The following TMEM178B variants were observed in gnomAD, a reference collection of about 807,000 sequenced individuals.
The protein encoded by TMEM178B is transmembrane protein 178B.
Under a neutral mutation model 31.0 loss-of-function variants are expected in TMEM178B, and 5 were observed. That is an observed-to-expected ratio of 0.16 (90% CI 0.08 to 0.34). The LOEUF (loss-of-function observed/expected upper bound fraction) is 0.34, where lower values mean the gene tolerates loss of function less well. TMEM178B is among the 10% of genes least tolerant of loss of function. The pLI is 1.00. For synonymous variants in TMEM178B, 164 were observed against 164.0 expected, an observed-to-expected ratio of 1.00 and a Z score of 0.00; for missense variants, 275 against 400.3, an observed-to-expected ratio of 0.69 and a Z score of 2.67.
intron 2 of TMEM178B, among the ~76,000 whole-genome samples, chr7:141,217,333 A>G (rs1418583071): frequency 6.6e-6 from 1 of 152,142 alleles, no homozygotes; most frequent in Non-Finnish European, 1.5e-5. Context: ...GGTGGCTGAT[A>G]GGGAGTGGGG....
the TMEM178B span, among the ~76,000 whole-genome samples, chr7:141,507,726 G>A: frequency 1.3e-5 from 2 of 152,218 alleles, no homozygotes; most frequent in African/African-American, 4.8e-5. Flanking sequence ...CATGGAAGCT[G>A]CCAAGGCTTG....
intron 2 of TMEM178B, among the ~76,000 whole-genome samples, chr7:141,355,555 T>G (rs1174703826): frequency 6.6e-6 from 1 of 152,220 alleles, no homozygotes; most frequent in Non-Finnish European, 1.5e-5. Flanking sequence ...TGGAGCCAGG[T>G]GAGCCTTGAT....
intron 2 of TMEM178B, among the ~76,000 whole-genome samples, chr7:141,437,361 G>C (rs552082082): frequency 2.6e-5 from 4 of 152,236 alleles, no homozygotes; most frequent in Non-Finnish European, 5.9e-5. Context: ...AAATGGCCAC[G>C]ATATTGTGAT....
At chr7:141,222,717 T>C (rs1797276097) in intron 2 of TMEM178B, among the ~76,000 whole-genome samples, 1 of 152,176 alleles carries the variant, frequency 6.6e-6, no homozygotes. Flanking sequence ...TATGTGGCTG[T>C]TTGTCTTGGT....
intron 1 of TMEM178B, among the ~76,000 whole-genome samples, chr7:141,113,451 G>A (rs1795267520): frequency 6.6e-6 from 1 of 152,224 alleles, no homozygotes; most frequent in South Asian, 2.1e-4. Flanking sequence ...TCAGGTGAGG[G>A]CATTGCACAG....
intron 2 of TMEM178B, among the ~76,000 whole-genome samples, chr7:141,326,631 T>C (rs1331273653): frequency 6.6e-6 from 1 of 152,208 alleles, no homozygotes; most frequent in African/African-American, 2.4e-5. Context: ...ATAGTTTTAT[T>C]GGAACACAAC....
chr7:141,313,150 G>A (rs575394381), intron 2 of TMEM178B, among the ~76,000 whole-genome samples: 1 of 152,158 alleles, frequency 6.6e-6, no homozygotes, highest in Admixed American at 6.5e-5. Flanking sequence ...TGGAGTCACT[G>A]TTTTAAAAAT....
In TMEM178B at chr7:141,074,121, A is replaced by G; in HGVS notation, c.-190A>G. The G allele has an allele frequency of 1.3e-6, 1 of 794,570 alleles. No homozygotes were observed. Among genetic ancestry groups the G allele is most frequent in the Non-Finnish European group, 1.8e-6 (1 of 560,836 alleles). 49.2% of individuals were successfully genotyped at this position (794,570 alleles called of 1,614,324 possible). A position where few individuals can be genotyped will look rare whatever the true frequency, so the allele number is the denominator to read the frequency against. The stretch of plus-strand genomic sequence containing the variant: ...GAGCCTCTCCGGATCAGAACTTTTT[A>G]GGCCGCCCGCCCCCATCCCCGCAGT... On this transcript the variant is annotated 5_prime_UTR_variant, in exon 1 of 4. An upstream open reading frame in the 5' UTR loses its in-frame stop. Transcript: ENST00000565468. The surrounding 1 kb of genome is among the most constrained non-coding windows in gnomAD (Gnocchi z 5.1).
In TMEM178B at chr7:141,470,525, T is replaced by C. The variant is rs1028534103; in HGVS notation, c.635-11T>C. ...ATTTCCCCATCCTGTGTCTTTTCCC[T>C]TGTCCTCCAGGAACCTTCTGCATCA... On this transcript the variant is annotated splice_polypyrimidine_tract_variant and intron_variant, in intron 3 of 3. Transcript: ENST00000565468. The C allele has an allele frequency of 2.7e-6, 4 of 1,503,162 alleles. No homozygotes were observed. The South Asian group carries it at 3.8e-5, about 14-fold the overall frequency. 93.1% of individuals were successfully genotyped at this position (1,503,162 alleles called of 1,614,324 possible).
At chr7:141,239,756 C>G (rs1250345099) in intron 2 of TMEM178B, among the ~76,000 whole-genome samples, 1 of 152,200 alleles carries the variant, frequency 6.6e-6, no homozygotes, top group African/African-American at 2.4e-5. Flanking sequence ...GTCCTGGTCA[C>G]TGTTATCAGG....
At chr7:141,314,150 T>TCTTCTCTCATCTCTCTC (rs1376318820) in intron 2 of TMEM178B, among the ~76,000 whole-genome samples, 2 of 152,206 alleles carry the variant, frequency 1.3e-5, no homozygotes, top group Non-Finnish European at 2.9e-5. Context: ...CCAGGAGATT[T>TCTTCTCTCATCTCTCTC]CTTCTCTCAT....
chr7:141,255,320 A>G, intron 2 of TMEM178B, among the ~76,000 whole-genome samples: 1 of 152,204 alleles, frequency 6.6e-6, no homozygotes, highest in Non-Finnish European at 1.5e-5. Flanking sequence ...TTAAAGGAAC[A>G]AGCGTACTTT....
intron 2 of TMEM178B, among the ~76,000 whole-genome samples, chr7:141,244,005 C>T (rs1586846568): frequency 6.6e-6 from 1 of 152,226 alleles, no homozygotes; most frequent in African/African-American, 2.4e-5. Flanking sequence ...GAGGCAAAAC[C>T]GGGGCTGCGG....
chr7:141,133,024 C>T (rs141695669), intron 1 of TMEM178B, among the ~76,000 whole-genome samples: 2 of 152,204 alleles, frequency 1.3e-5, no homozygotes, highest in African/African-American at 4.8e-5. Context: ...ACTGCACCCA[C>T]CCAGAATCAA....
chr7:141,157,732 C>G (rs966870774), intron 1 of TMEM178B, among the ~76,000 whole-genome samples: 1 of 152,166 alleles, frequency 6.6e-6, no homozygotes, highest in East Asian at 1.9e-4. Flanking sequence ...GAGTTCCGAG[C>G]GAGGTAACAG....
At chr7:141,508,400 A>T in the TMEM178B span, among the ~76,000 whole-genome samples, 1 of 152,206 alleles carries the variant, frequency 6.6e-6, no homozygotes, top group African/African-American at 2.4e-5. Context: ...GGAAATTCCC[A>T]AACTTTCCCA....
intron 2 of TMEM178B, among the ~76,000 whole-genome samples, chr7:141,281,932 G>GA (rs1442111310): frequency 2.0e-5 from 3 of 152,182 alleles, no homozygotes; most frequent in Admixed American, 2.0e-4. Flanking sequence ...AAAAAATTAG[G>GA]TAAGAGAGTG....
At chr7:141,484,881 A>C (rs1373972004), downstream of TMEM178B, among the ~76,000 whole-genome samples, 3 of 152,154 alleles carry the variant, frequency 2.0e-5, no homozygotes, top group African/African-American at 7.2e-5. The surrounding 1 kb of genome is among the most constrained non-coding windows in gnomAD (Gnocchi z 4.8). Context: ...TATCTAGAAT[A>C]ATGATCACAT....
intron 1 of TMEM178B, among the ~76,000 whole-genome samples, chr7:141,085,634 A>G (rs1794771589): frequency 6.6e-6 from 1 of 152,094 alleles, no homozygotes; most frequent in Admixed American, 6.6e-5. Context: ...AGTCCCTCTC[A>G]TTCAGTTTTG....
Sources: gnomAD v4.1 joint callset for allele counts (sites outside exome capture counted in the v4.1 genomes callset) on GRCh38, gnomAD v4.1.1 for gene constraint, Gnocchi (gnomAD v3.1) non-coding constraint, MANE v1.5 for transcripts, NCBI Gene and HGNC (gene_info 2026-07-23, HGNC 2026-07-21) for gene names.